GALNT13: variants seen among roughly 807,000 people sequenced by gnomAD.
The protein encoded by GALNT13 is UDP-GalNAc:polypeptide N-acetylgalactosaminyltransferase 13.
In GALNT13, 28 loss-of-function variants were observed where a neutral mutation model predicts 64.2. The ratio of observed to expected loss-of-function variants is 0.44; its 90% CI spans 0.32 to 0.60. The LOEUF is 0.60. GALNT13 is among the 20% of genes least tolerant of loss of function. The pLI is 0.05. For missense variants in GALNT13, 577 were observed against 669.8 expected, an observed-to-expected ratio of 0.86 and a Z score of 1.53; for synonymous variants, 214 against 224.6, an observed-to-expected ratio of 0.95 and a Z score of 0.42.
chr2:153,925,258 AT>A (rs1278432848), intron 2 of GALNT13, among the ~76,000 whole-genome samples: 1 of 151,898 alleles, frequency 6.6e-6, no homozygotes, highest in African/African-American at 2.4e-5. Context: ...TCCAGTTTCA[AT>A]TTTCTGCATA....
At chr2:153,989,895 A>T (rs776869843) in intron 3 of GALNT13, among the ~76,000 whole-genome samples, 11 of 152,080 alleles carry the variant, frequency 7.2e-5, no homozygotes, top group Non-Finnish European at 1.5e-4. Flanking sequence ...TCAGAAGACA[A>T]TAGAATTAAC....
chr2:153,210,677 T>C, the GALNT13 span, among the ~76,000 whole-genome samples: 72 of 152,160 alleles, frequency 4.7e-4, no homozygotes, highest in Non-Finnish European at 8.1e-4. Flanking sequence ...CAAAATGAAA[T>C]TGGAATGTAA....
the GALNT13 span, among the ~76,000 whole-genome samples, chr2:153,680,533 C>A: frequency 2.2e-4 from 34 of 151,938 alleles, no homozygotes; most frequent in East Asian, 6.0e-3. Flanking sequence ...AGATCCCCTC[C>A]CCTCATAAAC....
the GALNT13 span, among the ~76,000 whole-genome samples, chr2:153,702,462 TAAATA>T: frequency 6.6e-5 from 10 of 151,792 alleles, no homozygotes; most frequent in Non-Finnish European, 4.4e-5. Flanking sequence ...TCCCAGAAAT[TAAATA>T]AAATAAATAA....
chr2:153,091,237 G>C, the GALNT13 span, among the ~76,000 whole-genome samples: 1 of 152,040 alleles, frequency 6.6e-6, no homozygotes, highest in African/African-American at 2.4e-5. Flanking sequence ...AAGAACCCCT[G>C]TGAGATATAG....
intron 3 of GALNT13, among the ~76,000 whole-genome samples, chr2:153,985,525 C>T (rs1054476438): frequency 6.6e-6 from 1 of 151,846 alleles, no homozygotes; most frequent in Non-Finnish European, 1.5e-5. Flanking sequence ...ATTTTCATAT[C>T]ATTTGTTCTA....
chr2:153,936,747 G>A (rs990852337), intron 2 of GALNT13, among the ~76,000 whole-genome samples: 11 of 150,518 alleles, frequency 7.3e-5, no homozygotes, highest in African/African-American at 2.7e-4. Flanking sequence ...TTTTGAGACA[G>A]TCTCACTCTG....
the GALNT13 span, among the ~76,000 whole-genome samples, chr2:153,319,953 A>G: frequency 6.6e-6 from 1 of 152,190 alleles, no homozygotes; most frequent in African/African-American, 2.4e-5. Flanking sequence ...ACCATAAAAG[A>G]TGGGGAGCTG....
the GALNT13 span, among the ~76,000 whole-genome samples, chr2:153,263,561 C>T: frequency 6.6e-6 from 1 of 152,198 alleles, no homozygotes; most frequent in African/African-American, 2.4e-5. Flanking sequence ...TACAAGGTTA[C>T]ATAACCAAAG....
At chr2:153,821,714 G>T in the GALNT13 span, among the ~76,000 whole-genome samples, 1 of 152,062 alleles carries the variant, frequency 6.6e-6, no homozygotes, top group East Asian at 1.9e-4. Context: ...GCTAGTAGAA[G>T]AAAACAAATA....
intron 4 of GALNT13, among the ~76,000 whole-genome samples, chr2:154,175,702 G>A (rs1050482181): frequency 2.0e-5 from 3 of 152,056 alleles, no homozygotes; most frequent in Non-Finnish European, 2.9e-5. Flanking sequence ...CACCAAAATA[G>A]TTTAAAATAA....
the GALNT13 span, among the ~76,000 whole-genome samples, chr2:153,388,407 C>T: frequency 6.6e-6 from 1 of 152,128 alleles, no homozygotes; most frequent in African/African-American, 2.4e-5. Flanking sequence ...GAGACGACTT[C>T]CCTCAGCTCT....
chr2:153,124,494 G>A, the GALNT13 span, among the ~76,000 whole-genome samples: 3 of 151,576 alleles, frequency 2.0e-5, no homozygotes, highest in Admixed American at 6.6e-5. Context: ...AGGTTAGCTC[G>A]CTTTGTTTTG....
At chr2:153,610,690 A>T in the GALNT13 span, among the ~76,000 whole-genome samples, 1 of 152,092 alleles carries the variant, frequency 6.6e-6, no homozygotes, top group Admixed American at 6.6e-5. Flanking sequence ...AAATAAAAAT[A>T]AACAGATTGG....
chr2:153,766,348 T>C, the GALNT13 span, among the ~76,000 whole-genome samples: 1 of 148,446 alleles, frequency 6.7e-6, no homozygotes, highest in Non-Finnish European at 1.5e-5. Flanking sequence ...ATCTCTTCTT[T>C]TGGTTGAATT....
the GALNT13 span, among the ~76,000 whole-genome samples, chr2:153,801,016 G>T: frequency 4.6e-5 from 7 of 152,064 alleles, no homozygotes; most frequent in African/African-American, 1.7e-4. Context: ...TAAATCTCAT[G>T]AACCAATCTC....
the GALNT13 span, among the ~76,000 whole-genome samples, chr2:153,722,855 A>G: frequency 6.6e-6 from 1 of 151,200 alleles, no homozygotes; most frequent in Non-Finnish European, 1.5e-5. Flanking sequence ...ATGGATTCAC[A>G]GCCGAATTCT....
chr2:154,043,301 A>G (rs1409136015), intron 3 of GALNT13, among the ~76,000 whole-genome samples: 1 of 151,520 alleles, frequency 6.6e-6, no homozygotes. Context: ...AATAAAGCAA[A>G]AGAGTAAAAA....
At chr2:153,832,536 G>T in the GALNT13 span, among the ~76,000 whole-genome samples, 12 of 152,240 alleles carry the variant, frequency 7.9e-5, 1 homozygote, top group East Asian at 2.3e-3. Context: ...AGTAGTTTTA[G>T]TTACAAAATG....
Sources: gnomAD v4.1 joint callset for allele counts (sites outside exome capture counted in the v4.1 genomes callset) on GRCh38, gnomAD v4.1.1 for gene constraint, MANE v1.5 for transcripts, NCBI Gene and HGNC (gene_info 2026-07-23, HGNC 2026-07-21) for gene names.